AGBL1: variants seen among roughly 807,000 people sequenced by gnomAD.
The protein encoded by AGBL1 is cytosolic carboxypeptidase 4.
A neutral mutation model predicts 118.9 loss-of-function variants in AGBL1; 130 were observed. The observed-to-expected ratio is 1.09, with a 90% CI of 0.95 to 1.26. The LOEUF (loss-of-function observed/expected upper bound fraction) is 1.26. Ranked by LOEUF, AGBL1 falls within the 50% of genes most tolerant of loss-of-function variation. The pLI, the probability that AGBL1 is intolerant of heterozygous loss-of-function variation, is 0.00. For missense variants in AGBL1, 1,584 were observed against 1,298.1 expected, an observed-to-expected ratio of 1.22 and a Z score of -3.38; for synonymous variants, 555 against 478.9, an observed-to-expected ratio of 1.16 and a Z score of -2.08.
chr15:86,395,713 C>G (rs2081351187), intron 17 of AGBL1, among the ~76,000 whole-genome samples: 1 of 152,104 alleles, frequency 6.6e-6, no homozygotes, highest in Admixed American at 6.6e-5. Context: ...GATCTACACC[C>G]CTTAAATCTA....
chr15:86,623,155 G>A lies in AGBL1; in HGVS notation c.2995-51118G>A, dbSNP rs535153709. On this transcript the variant is annotated intron_variant, in intron 21 of 22. Coordinates refer to ENST00000614907, the MANE Select transcript of AGBL1 (RefSeq NM_001386094.1). ...CCTCCTGCCTAACAGGCCATGCAGC[G>A]GTATCAGGTGGGGACCCCTGTTCTA... is the stretch of plus-strand genomic sequence containing the variant. 2.3e-3 allele frequency among the ~76,000 whole-genome samples: 349 copies of A among 152,292 alleles called. 1 individual carries two copies. The highest frequency in any genetic ancestry group is 7.9e-3 in the African/African-American group (328 of 41,558).
chr15:86,784,165 T>C (rs1365160001), intron 22 of AGBL1, among the ~76,000 whole-genome samples: 1 of 152,188 alleles, frequency 6.6e-6, no homozygotes, highest in Non-Finnish European at 1.5e-5. Context: ...AGATAACTTA[T>C]ATAGTATTTA....
intron 18 of AGBL1, among the ~76,000 whole-genome samples, chr15:86,443,995 A>G (rs2082093656): frequency 6.6e-6 from 1 of 152,072 alleles, no homozygotes; most frequent in South Asian, 2.1e-4. Context: ...GGATCATATG[A>G]TAGATTTGTT....
At chr15:86,145,284 G>A (rs1384825515) in intron 3 of AGBL1, among the ~76,000 whole-genome samples, 2 of 152,150 alleles carry the variant, frequency 1.3e-5, no homozygotes, top group African/African-American at 4.8e-5. Flanking sequence ...CTAGTTGAAG[G>A]GAAGATGGAA....
intron 22 of AGBL1, among the ~76,000 whole-genome samples, chr15:86,750,855 C>T (rs976366906): frequency 3.3e-5 from 5 of 151,936 alleles, no homozygotes; most frequent in African/African-American, 9.7e-5. Flanking sequence ...GTGTTCTCAT[C>T]ATTTAGCTCC....
At chr15:86,411,151 T>C (rs888952561) in intron 18 of AGBL1, among the ~76,000 whole-genome samples, 3 of 151,424 alleles carry the variant, frequency 2.0e-5, no homozygotes, top group Non-Finnish European at 4.4e-5. Context: ...CCCTGGCTTC[T>C]TGCCTTCAGA....
At chr15:86,450,153 C>G (rs1003530188) in intron 18 of AGBL1, among the ~76,000 whole-genome samples, 1 of 152,156 alleles carries the variant, frequency 6.6e-6, no homozygotes, top group African/African-American at 2.4e-5. Flanking sequence ...TTGCATAAAG[C>G]CATTCAGTTC....
intron 22 of AGBL1, among the ~76,000 whole-genome samples, chr15:86,823,575 T>C (rs1028282781): frequency 2.1e-4 from 32 of 152,182 alleles, no homozygotes; most frequent in African/African-American, 7.5e-4. Context: ...ATAGACTACA[T>C]GCAATAATAA....
intron 23 of AGBL1, among the ~76,000 whole-genome samples, chr15:86,931,197 T>C (rs1195745753): frequency 2.0e-5 from 3 of 152,250 alleles, no homozygotes; most frequent in African/African-American, 7.2e-5. Context: ...AATCTACTTA[T>C]GACATGTTAC....
At chr15:86,334,028 C>G (rs1382983774) in intron 17 of AGBL1, among the ~76,000 whole-genome samples, 1 of 152,112 alleles carries the variant, frequency 6.6e-6, no homozygotes. Flanking sequence ...AGGAACATAT[C>G]TCAAAATAGT....
At chr15:86,198,973 C>A (rs951872514) in intron 5 of AGBL1, among the ~76,000 whole-genome samples, 1 of 152,194 alleles carries the variant, frequency 6.6e-6, no homozygotes, top group African/African-American at 2.4e-5. Flanking sequence ...CTCTCTATGA[C>A]AATTCTAGCC....
intron 22 of AGBL1, among the ~76,000 whole-genome samples, chr15:86,904,569 A>T (rs1402082390): frequency 7.2e-6 from 1 of 139,412 alleles, no homozygotes; most frequent in Non-Finnish European, 1.6e-5. Context: ...TACATAATGT[A>T]TTATCATATC....
chr15:86,734,019 C>T (rs1255825243), intron 22 of AGBL1, among the ~76,000 whole-genome samples: 1 of 152,098 alleles, frequency 6.6e-6, no homozygotes, highest in Non-Finnish European at 1.5e-5. Context: ...AATTTGATCC[C>T]CTCTGATACC....
At chr15:86,955,856 A>G (rs73447196) in intron 23 of AGBL1, among the ~76,000 whole-genome samples, 2,517 of 152,196 alleles carry the variant, frequency 0.017, 67 homozygotes, top group African/African-American at 0.058. Context: ...ACTTTATATC[A>G]AACATGTAAA....
chr15:86,977,730 G>T (rs1483271773), intron 23 of AGBL1, among the ~76,000 whole-genome samples: 1 of 151,538 alleles, frequency 6.6e-6, no homozygotes, highest in African/African-American at 2.4e-5. Context: ...TCATTTTCTT[G>T]CAAATGATTA....
At position 86,830,789 on chromosome 15, in the gene AGBL1, C is replaced by CT. The variant is rs199768678; in HGVS notation, c.3159-76292dup. Among the ~76,000 whole-genome samples the CT allele has an allele frequency of 1.9e-3, 285 of 152,240 alleles. 7 individuals carry two copies. In the East Asian group the frequency reaches 0.039, roughly 21 times the overall value. Reference sequence around the variant, plus strand: ...TAGGTACTCCAGGCTATGATTTCCTCTTTTTTGTCAGCAAGGACTCCACCC... The same window carrying CT: ...TAGGTACTCCAGGCTATGATTTCCTCTTTTTTTGTCAGCAAGGACTCCACCC... On this transcript the variant is annotated intron_variant, in intron 22 of 22. Transcript: ENST00000614907.
rs185434272 is a variant in AGBL1 at position 86,645,358 on chromosome 15, T to A, written c.2995-28915T>A. Reference sequence around the variant, plus strand: ...GAAGGACAGGTTGGTGTCCATTGTATTGTTCTTTCAGCTTTTCTGTGGGGG... The same window carrying A: ...GAAGGACAGGTTGGTGTCCATTGTAATGTTCTTTCAGCTTTTCTGTGGGGG... On this transcript the variant is annotated intron_variant, in intron 21 of 22. Coordinates refer to ENST00000614907, the MANE Select transcript of AGBL1 (RefSeq NM_001386094.1). Among the ~76,000 whole-genome samples, 132 of 152,350 alleles carry A rather than the reference T, an allele frequency of 8.7e-4. 1 individual carries two copies. The highest frequency in any genetic ancestry group is 3.1e-3 in the African/African-American group (130 of 41,576).
chr15:86,302,722 T>C (rs1373820596), intron 17 of AGBL1, among the ~76,000 whole-genome samples: 4 of 142,542 alleles, frequency 2.8e-5, no homozygotes, highest in Non-Finnish European at 4.5e-5. Flanking sequence ...GAGGTTACAG[T>C]GAGCTGAGAT....
At chr15:86,371,743 GA>G (rs2080973819) in intron 17 of AGBL1, among the ~76,000 whole-genome samples, 1 of 152,150 alleles carries the variant, frequency 6.6e-6, no homozygotes, top group Non-Finnish European at 1.5e-5. Flanking sequence ...ATATTTTTAT[GA>G]GGGTGAGAGA....
Sources: gnomAD v4.1 joint callset for allele counts (sites outside exome capture counted in the v4.1 genomes callset) on GRCh38, gnomAD v4.1.1 for gene constraint, MANE v1.5 for transcripts, NCBI Gene and HGNC (gene_info 2026-07-23, HGNC 2026-07-21) for gene names.